ROR2: variants seen among roughly 807,000 people sequenced by gnomAD.
ROR2 encodes the protein tyrosine-protein kinase transmembrane receptor ROR2.
A neutral mutation model predicts 74.9 loss-of-function variants in ROR2; 33 were observed. The observed-to-expected ratio is 0.44, with a 90% CI of 0.33 to 0.59. The LOEUF is 0.59. ROR2 is among the 20% of genes least tolerant of loss of function. The pLI is 0.02. For synonymous variants in ROR2, 586 were observed against 558.7 expected, an observed-to-expected ratio of 1.05 and a Z score of -0.69; for missense variants, 1,216 against 1,313.8, an observed-to-expected ratio of 0.93 and a Z score of 1.15.
At chr9:91,832,867 A>C (rs1295771624) in intron 1 of ROR2, among the ~76,000 whole-genome samples, 1 of 152,202 alleles carries the variant, frequency 6.6e-6, no homozygotes, top group Non-Finnish European at 1.5e-5. Flanking sequence ...ATCTTGGCAG[A>C]AATCGGGGCC....
intron 1 of ROR2, among the ~76,000 whole-genome samples, chr9:91,919,594 T>C (rs1275359209): frequency 1.5e-5 from 2 of 136,636 alleles, no homozygotes; most frequent in Admixed American, 1.8e-4. Flanking sequence ...ATTTAGGTTT[T>C]TTTTTCTTTC....
chr9:91,840,133 C>T (rs1432036318), intron 1 of ROR2, among the ~76,000 whole-genome samples: 3 of 152,098 alleles, frequency 2.0e-5, no homozygotes, highest in Non-Finnish European at 2.9e-5. Flanking sequence ...GGGGCACTCC[C>T]GAGGCCCCGC....
At chr9:91,906,606 G>C (rs1015573937) in intron 1 of ROR2, among the ~76,000 whole-genome samples, 11 of 152,038 alleles carry the variant, frequency 7.2e-5, no homozygotes, top group African/African-American at 2.2e-4. Flanking sequence ...AAATCCCCTC[G>C]GTTTTGTTCT....
At chr9:91,749,861 C>T (rs1354966584) in intron 4 of ROR2, among the ~76,000 whole-genome samples, 1 of 152,044 alleles carries the variant, frequency 6.6e-6, no homozygotes, top group Non-Finnish European at 1.5e-5. Flanking sequence ...AGGCATATAC[C>T]TAGAAATTAT....
intron 1 of ROR2, among the ~76,000 whole-genome samples, chr9:91,942,240 G>A (rs1831892906): frequency 6.6e-6 from 1 of 152,124 alleles, no homozygotes. Flanking sequence ...CAGATAGAAA[G>A]CAACCTAAAT....
At chr9:91,893,434 A>G (rs1830470573) in intron 1 of ROR2, among the ~76,000 whole-genome samples, 1 of 150,742 alleles carries the variant, frequency 6.6e-6, no homozygotes, top group Admixed American at 6.6e-5. Flanking sequence ...AGTAAGTGTG[A>G]CTCTGTCTTA....
chr9:91,879,172 G>A (rs867267716), intron 1 of ROR2, among the ~76,000 whole-genome samples: 4 of 152,124 alleles, frequency 2.6e-5, no homozygotes, highest in East Asian at 1.9e-4. Context: ...ATCACCAAAC[G>A]GACATAGGGC....
chr9:91,754,399 G>A (rs1436777531), intron 4 of ROR2, among the ~76,000 whole-genome samples: 3 of 152,000 alleles, frequency 2.0e-5, no homozygotes, highest in Non-Finnish European at 4.4e-5. Flanking sequence ...GCTCATGCCT[G>A]TAATCTCAGC....
rs762871988 is a variant in ROR2, at chr9:91,726,672, C to T, written c.1255G>A (p.Ala419Thr). The T allele has an allele frequency of 1.4e-5, 22 of 1,613,792 alleles. No individual in the cohort carries two copies. The East Asian group carries it at 3.3e-4, about 25-fold the overall frequency. Residue 419 changes from alanine (A) to threonine (T), a missense_variant, in exon 8 of 9, where the codon GCT becomes ACT. Transcript: ENST00000375708. ...VPSIAIPLVI[A>T]CLFFLVCMCR... Reference sequence around the variant, plus strand: ...ATGCAAACCAAGAAGAAAAGGCAAGCGATGACCAGTGGAATTGCGATGCTG... The same window carrying T: ...ATGCAAACCAAGAAGAAAAGGCAAGTGATGACCAGTGGAATTGCGATGCTG...
At chr9:91,754,263 C>T (rs951741416) in intron 4 of ROR2, among the ~76,000 whole-genome samples, 3 of 149,828 alleles carry the variant, frequency 2.0e-5, no homozygotes, top group African/African-American at 7.3e-5. Context: ...ATAATTATAG[C>T]TCTGTAATTA....
chr9:91,824,922 G>A (rs569527465), intron 1 of ROR2, among the ~76,000 whole-genome samples: 4 of 152,288 alleles, frequency 2.6e-5, no homozygotes, highest in East Asian at 3.9e-4. Flanking sequence ...AGTGAACAGC[G>A]CTGCCCACAG....
chr9:91,909,847 G>GTTTTTTTTTTTTTTTTTTTT (rs71362365), intron 1 of ROR2, among the ~76,000 whole-genome samples: 54 of 53,622 alleles, frequency 1.0e-3, no homozygotes, highest in South Asian at 2.0e-3. Context: ...GGTTTGTTTT[G>GTTTTTTTTTTTTTTTTTTTT]TTTTTTTTTT....
chr9:91,823,966 G>A (rs1828211159), intron 1 of ROR2, among the ~76,000 whole-genome samples: 1 of 152,216 alleles, frequency 6.6e-6, no homozygotes, highest in Admixed American at 6.5e-5. Flanking sequence ...TTCCATGCCT[G>A]TGCTCAGAGT....
intron 2 of ROR2, among the ~76,000 whole-genome samples, chr9:91,773,317 C>A (rs1826301225): frequency 6.6e-6 from 1 of 152,190 alleles, no homozygotes; most frequent in Admixed American, 6.5e-5. Flanking sequence ...TCACTCGCCC[C>A]CTCCCCCTCA....
chr9:91,781,309 C>T (rs190788409), intron 1 of ROR2, among the ~76,000 whole-genome samples: 108 of 152,342 alleles, frequency 7.1e-4, no homozygotes, highest in Non-Finnish European at 7.1e-4. Flanking sequence ...CAATGAGCTA[C>T]GCTGCGAGCA....
chr9:91,906,248 G>A (rs1301371654), intron 1 of ROR2, among the ~76,000 whole-genome samples: 1 of 152,176 alleles, frequency 6.6e-6, no homozygotes. Context: ...GACAGAGCAG[G>A]ACTGGACAAT....
chr9:91,869,380 T>A (rs1829728752), intron 1 of ROR2, among the ~76,000 whole-genome samples: 1 of 152,160 alleles, frequency 6.6e-6, no homozygotes, highest in East Asian at 1.9e-4. Context: ...TTAAAGCACC[T>A]CTATCTATAA....
chr9:91,840,605 G>T (rs1464628900), intron 1 of ROR2, among the ~76,000 whole-genome samples: 2 of 152,184 alleles, frequency 1.3e-5, no homozygotes, highest in Non-Finnish European at 2.9e-5. Context: ...ATGCTCCCTG[G>T]CCCTACAACA....
intron 1 of ROR2, among the ~76,000 whole-genome samples, chr9:91,941,811 G>C (rs1831879758): frequency 7.2e-6 from 1 of 138,366 alleles, no homozygotes; most frequent in Non-Finnish European, 1.5e-5. Context: ...TCATTTTTGA[G>C]ACAGGGTGTT....
Sources: allele counts gnomAD v4.1 joint callset (sites outside exome capture counted in the v4.1 genomes callset), GRCh38; gene constraint gnomAD v4.1.1; transcripts MANE v1.5; gene names NCBI Gene and HGNC (gene_info 2026-07-23, HGNC 2026-07-21).